The following CENPU variants were observed in gnomAD, a reference collection of about 807,000 sequenced individuals.
The protein encoded by CENPU is centromere protein U.
CENPU carries 46 observed loss-of-function variants against 56.7 expected under a neutral mutation model. The ratio of observed to expected loss-of-function variants is 0.81; its 90% CI spans 0.64 to 1.04. The LOEUF (loss-of-function observed/expected upper bound fraction) is 1.04, where lower values mean the gene tolerates loss of function less well. CENPU is among the 50% of genes least tolerant of loss of function. The pLI, the probability that CENPU is intolerant of heterozygous loss-of-function variation, is 0.00. For missense variants in CENPU, 510 were observed against 490.1 expected (o/e 1.04, Z -0.38); for synonymous variants, 166 against 163.0 (o/e 1.02, Z -0.14).
intron 6 of CENPU, among the ~76,000 whole-genome samples, chr4:184,713,326 G>A (rs1395114764): frequency 4.6e-5 from 7 of 152,124 alleles, no homozygotes; most frequent in African/African-American, 1.4e-4. Context: ...GGCGGGAATC[G>A]GAGGTTGCAG....
Position 184,730,904 on chromosome 4 carries a change from CA to C in CENPU, c.96+15del. On this transcript the variant is annotated intron_variant, in intron 2 of 12. Coordinates refer to ENST00000281453, the MANE Select transcript of CENPU (RefSeq NM_024629.4). ...TGTCAATTTTGAGAAAACCACAACA[CA>C]AAAAGGTAACTTACATCTTTCATGG... is the stretch of plus-strand genomic sequence containing the variant. The C allele has an allele frequency of 6.3e-7, 1 of 1,575,172 alleles. No individual in the cohort carries two copies. The highest frequency in any genetic ancestry group is 8.6e-7 in the Non-Finnish European group (1 of 1,167,832).
At chr4:184,711,084 T>C (rs1760907521) in intron 7 of CENPU, among the ~76,000 whole-genome samples, 1 of 150,246 alleles carries the variant, frequency 6.7e-6, no homozygotes, top group Non-Finnish European at 1.5e-5. Flanking sequence ...CTTGAACTCC[T>C]GGGCTCAAGC....
intron 1 of CENPU, among the ~76,000 whole-genome samples, chr4:184,731,881 C>CTGTGTGTGTGTGTGTGTGTGTG (rs1491100516): frequency 1.6e-4 from 4 of 25,578 alleles, no homozygotes; most frequent in Admixed American, 4.3e-4. Flanking sequence ...TACTCATGTG[C>CTGTGTGTGTGTGTGTGTGTGTG]TCTGTGTGTG....
intron 4 of CENPU, among the ~76,000 whole-genome samples, chr4:184,718,619 T>C (rs1478832983): frequency 6.6e-6 from 1 of 151,804 alleles, no homozygotes; most frequent in Non-Finnish European, 1.5e-5. Context: ...GGAACGCTGG[T>C]GAGAGTGAGG....
chr4:184,713,377 G>C (rs181261762), intron 6 of CENPU, among the ~76,000 whole-genome samples: 1 of 152,286 alleles, frequency 6.6e-6, no homozygotes, highest in East Asian at 1.9e-4. Context: ...CTGGGCAACA[G>C]AGCAAGACTC....
chr4:184,732,950 C>T (rs1761702906), intron 1 of CENPU, among the ~76,000 whole-genome samples: 1 of 147,204 alleles, frequency 6.8e-6, no homozygotes, highest in Non-Finnish European at 1.5e-5. Flanking sequence ...TGCGCCACTG[C>T]ACTCCAGCCT....
At chr4:184,700,085 A>C (rs1338958305) in intron 11 of CENPU, among the ~76,000 whole-genome samples, 2 of 152,224 alleles carry the variant, frequency 1.3e-5, no homozygotes, top group Non-Finnish European at 2.9e-5. Context: ...AGCAGACACC[A>C]CATCTAGCAC....
chr4:184,717,603 T>C (rs900241273), intron 4 of CENPU, among the ~76,000 whole-genome samples: 2 of 152,238 alleles, frequency 1.3e-5, no homozygotes, highest in African/African-American at 4.8e-5. Flanking sequence ...TGATGGGAGA[T>C]GAAAACTCAT....
At chr4:184,702,725 C>T (rs1760578503) in intron 8 of CENPU, among the ~76,000 whole-genome samples, 1 of 152,178 alleles carries the variant, frequency 6.6e-6, no homozygotes, top group Non-Finnish European at 1.5e-5. Flanking sequence ...ATCCCTCTGT[C>T]TCTCTTCCCT....
intron 8 of CENPU, among the ~76,000 whole-genome samples, chr4:184,706,652 A>G (rs965220476): frequency 6.6e-6 from 1 of 152,226 alleles, no homozygotes; most frequent in African/African-American, 2.4e-5. Context: ...AGGATATTAC[A>G]AACAGACCCT....
intron 8 of CENPU, among the ~76,000 whole-genome samples, chr4:184,705,689 G>A (rs1176664545): frequency 6.6e-6 from 1 of 152,084 alleles, no homozygotes; most frequent in Non-Finnish European, 1.5e-5. Flanking sequence ...ACAGCCAACA[G>A]GTGGAAGCAA....
At chr4:184,716,664 G>T in intron 5 of CENPU, 31 bp from the exon 6 acceptor site, 1 of 1,487,324 alleles carries the variant, frequency 6.7e-7, no homozygotes, top group Non-Finnish European at 9.3e-7. Flanking sequence ...CAGTACTTAT[G>T]TAGAAAATAG....
chr4:184,723,833 C>G (rs1324164588), intron 4 of CENPU, among the ~76,000 whole-genome samples: 2 of 85,920 alleles, frequency 2.3e-5, no homozygotes, highest in East Asian at 6.7e-4. Context: ...CAGAGCGAGA[C>G]TCCATCTCAA....
Position 184,710,181 on chromosome 4 carries a change from C to T in CENPU, c.689-1G>A. The T allele has an allele frequency of 1.3e-6, 2 of 1,588,370 alleles. No homozygotes were observed. The highest frequency in any genetic ancestry group is 1.7e-6 in the Non-Finnish European group (2 of 1,159,650). On this transcript the variant is annotated splice_acceptor_variant, in intron 7 of 12. Coordinates refer to ENST00000281453, the MANE Select transcript of CENPU (RefSeq NM_024629.4). LOFTEE classifies it high-confidence loss of function. ...CAAATGTGCACAATGTCAGAAGTATCTAAAATATTAAGATAAGTTAACATG... is the reference window on the plus strand; with the variant it reads ...CAAATGTGCACAATGTCAGAAGTATTTAAAATATTAAGATAAGTTAACATG...
intron 1 of CENPU, among the ~76,000 whole-genome samples, chr4:184,731,673 C>T (rs114223527): frequency 0.024 from 3,675 of 152,162 alleles, 57 homozygotes; most frequent in Non-Finnish European, 0.037. Flanking sequence ...TACAAGGGTA[C>T]GGGGGGGATA....
intron 7 of CENPU, among the ~76,000 whole-genome samples, chr4:184,711,511 ACCT>A (rs1278469311): frequency 2.6e-5 from 4 of 152,052 alleles, no homozygotes; most frequent in South Asian, 2.1e-4. Flanking sequence ...CTGAACTTAT[ACCT>A]CCTATCTAAC....
At chr4:184,725,613 A>G (rs958247607) in intron 3 of CENPU, among the ~76,000 whole-genome samples, 2 of 152,216 alleles carry the variant, frequency 1.3e-5, no homozygotes, top group African/African-American at 4.8e-5. Flanking sequence ...ATGAGAGACC[A>G]CTGCATTAAA....
intron 4 of CENPU, among the ~76,000 whole-genome samples, chr4:184,717,517 T>C (rs911742006): frequency 6.6e-6 from 1 of 152,172 alleles, no homozygotes; most frequent in Non-Finnish European, 1.5e-5. Context: ...GCTAATCCAC[T>C]AGGCCCATCC....
At chr4:184,731,820 A>G (rs78785990) in intron 1 of CENPU, among the ~76,000 whole-genome samples, 26,422 of 151,730 alleles carry the variant, frequency 0.17, 3,559 homozygotes, top group East Asian at 0.71. Flanking sequence ...ATATAATTTC[A>G]AGCTCACAGA....
Sources: allele counts gnomAD v4.1 joint callset (sites outside exome capture counted in the v4.1 genomes callset), GRCh38; gene constraint gnomAD v4.1.1; transcripts MANE v1.5; gene names NCBI Gene and HGNC (gene_info 2026-07-23, HGNC 2026-07-21).